Variants in POPDC2 observed in about 807,000 individuals in gnomAD.
The protein encoded by POPDC2 is popeye domain cAMP effector 2.
In POPDC2, 24 loss-of-function variants were observed where a neutral mutation model predicts 30.5. The ratio of observed to expected loss-of-function variants is 0.79; its 90% CI spans 0.57 to 1.11. The LOEUF (loss-of-function observed/expected upper bound fraction) is 1.11. Among genes scored for constraint, POPDC2 ranks in the 50% least tolerant of loss-of-function variants. POPDC2 has a pLI of 0.00. For missense variants in POPDC2, 409 were observed against 447.0 expected (o/e 0.91, Z 0.77); for synonymous variants, 185 against 183.3 (o/e 1.01, Z -0.07).
intron 3 of POPDC2, chr3:119,643,521 C>T (rs932526003): frequency 1.8e-5 from 19 of 1,066,160 alleles, no homozygotes; most frequent in Non-Finnish European, 2.2e-5. Flanking sequence ...TCTTAAAATA[C>T]GCTACACATT....
intron 3 of POPDC2, among the ~76,000 whole-genome samples, chr3:119,645,404 T>C (rs1385414368): frequency 6.6e-6 from 1 of 151,546 alleles, no homozygotes; most frequent in South Asian, 2.1e-4. Flanking sequence ...CTACTAAAAA[T>C]AGAAAAAATT....
chr3:119,660,608 T>C (rs1005464348), upstream of POPDC2: 6 of 597,332 alleles, frequency 1.0e-5, no homozygotes, highest in African/African-American at 9.3e-5. Context: ...GTACACTTCA[T>C]GGAGAATTTA....
chr3:119,642,894 T>A (rs1475482177), intron 3 of POPDC2, among the ~76,000 whole-genome samples: 1 of 152,344 alleles, frequency 6.6e-6, no homozygotes, highest in Admixed American at 6.5e-5. Flanking sequence ...CTGTATTGAA[T>A]AATGGTAAGT....
intron 1 of POPDC2, 145 bp downstream of exon 1, chr3:119,659,788 T>C (rs2107825924): frequency 1.9e-6 from 2 of 1,065,812 alleles, no homozygotes; most frequent in East Asian, 4.8e-5. Context: ...GAAAAATCTA[T>C]TTTGGTTTGT....
At position 119,642,218 on chromosome 3, in the gene POPDC2, A is replaced by G. The variant is rs1264388313; in HGVS notation, c.*387T>C. ...TCACAGAGGCTATGTAACTTGCCCA[A>G]GATTCTGCAGCTGGTAAAGGACGGA... On this transcript the variant is annotated 3_prime_UTR_variant, in exon 4 of 4. Transcript: ENST00000493094. 13 of 307,342 alleles carry G rather than the reference A, an allele frequency of 4.2e-5. No homozygotes were observed. Among genetic ancestry groups the G allele is most frequent in the African/African-American group, 2.7e-4 (13 of 47,812 alleles). 19.0% of individuals were successfully genotyped at this position (307,342 alleles called of 1,614,324 possible). A position where few individuals can be genotyped will look rare whatever the true frequency, so the allele number is the denominator to read the frequency against.
rs755237834 is a variant in POPDC2 at position 119,648,201 on chromosome 3, C to T, written c.1068G>A (p.Ser356=). 121 of 1,568,556 alleles carry T rather than the reference C, an allele frequency of 7.7e-5. 1 individual carries two copies. The highest frequency in any genetic ancestry group is 4.0e-4 in the South Asian group (34 of 85,938). The change falls in exon 3 of 4, where the codon TCG becomes TCA. Residue 356 remains serine (S), a synonymous_variant. Coordinates refer to ENST00000493094, the MANE Select transcript of POPDC2 (RefSeq NM_001369919.2). The stretch of plus-strand genomic sequence containing the variant: ...CCCCATCACTCCTATAATCCATAAA[C>T]GATTCTGATCCTGACACCTCCTCAA... The part of the protein sequence containing the change: ...EDFEEVSGSE[S]FMDYRSDGEY...
At chr3:119,653,855 T>A (rs1310015258) in intron 2 of POPDC2, among the ~76,000 whole-genome samples, 1 of 152,122 alleles carries the variant, frequency 6.6e-6, no homozygotes, top group Non-Finnish European at 1.5e-5. Flanking sequence ...AAAGCCTAGA[T>A]TTGTACTTCA....
intron 3 of POPDC2, among the ~76,000 whole-genome samples, chr3:119,643,919 AAC>A (rs2052716895): frequency 6.6e-6 from 1 of 152,190 alleles, no homozygotes; most frequent in Non-Finnish European, 1.5e-5. Flanking sequence ...TGCCCACAAG[AAC>A]TACACCAAAT....
chr3:119,653,479 C>CTTT (rs762463587), intron 2 of POPDC2, among the ~76,000 whole-genome samples: 1 of 140,014 alleles, frequency 7.1e-6, no homozygotes, highest in Non-Finnish European at 1.6e-5. Context: ...TTCAGCAATT[C>CTTT]TTTTTTTTTT....
intron 2 of POPDC2, among the ~76,000 whole-genome samples, chr3:119,653,910 C>A (rs979495668): frequency 6.6e-6 from 1 of 152,176 alleles, no homozygotes; most frequent in East Asian, 1.9e-4. Context: ...ATTATTAGAA[C>A]AGACAGCAAG....
chr3:119,655,469 A>C (rs138323948), intron 1 of POPDC2, among the ~76,000 whole-genome samples: 3 of 152,372 alleles, frequency 2.0e-5, no homozygotes, highest in African/African-American at 7.2e-5. Flanking sequence ...ACCATGTTGT[A>C]CAACATAGAT....
chr3:119,651,059 T>A (rs1211407030), intron 2 of POPDC2, among the ~76,000 whole-genome samples: 1 of 152,206 alleles, frequency 6.6e-6, no homozygotes. Context: ...ATCTAGACAA[T>A]ATATGCTATG....
At chr3:119,652,242 TTC>T (rs1265856616) in intron 2 of POPDC2, among the ~76,000 whole-genome samples, 1 of 152,198 alleles carries the variant, frequency 6.6e-6, no homozygotes, top group Admixed American at 6.5e-5. Context: ...ACACAATGAA[TTC>T]TGACTTAATT....
chr3:119,647,428 C>T (rs1008543069), intron 3 of POPDC2, among the ~76,000 whole-genome samples: 12 of 152,326 alleles, frequency 7.9e-5, no homozygotes, highest in Middle Eastern at 6.8e-3. Context: ...AAATCCTGCA[C>T]GCACTGTTAG....
At chr3:119,653,699 G>C (rs929024021) in intron 2 of POPDC2, among the ~76,000 whole-genome samples, 2 of 152,138 alleles carry the variant, frequency 1.3e-5, no homozygotes, top group South Asian at 4.2e-4. Flanking sequence ...GGATGGTCTC[G>C]ATCTCCTGAC....
At chr3:119,651,363 G>GTT (rs5852216) in intron 2 of POPDC2, among the ~76,000 whole-genome samples, 50 of 148,868 alleles carry the variant, frequency 3.4e-4, no homozygotes, top group Non-Finnish European at 4.9e-4. Flanking sequence ...ACTACTCTAG[G>GTT]TTTTTTTTTT....
intron 3 of POPDC2, among the ~76,000 whole-genome samples, chr3:119,645,882 T>G (rs1560095832): frequency 6.6e-6 from 1 of 152,218 alleles, no homozygotes; most frequent in Non-Finnish European, 1.5e-5. Context: ...AGGGGGTTCC[T>G]GGGGACAGCT....
chr3:119,649,920 A>G (rs949618848), intron 2 of POPDC2, among the ~76,000 whole-genome samples: 1 of 152,034 alleles, frequency 6.6e-6, no homozygotes, highest in African/African-American at 2.4e-5. Context: ...GACCTAAACT[A>G]CGTTATCGAG....
chr3:119,650,448 G>C (rs1006084608), intron 2 of POPDC2, among the ~76,000 whole-genome samples: 2 of 152,120 alleles, frequency 1.3e-5, no homozygotes, highest in African/African-American at 2.4e-5. Context: ...AGTCCACAAA[G>C]ACTGTTCCTG....
Sources: allele counts gnomAD v4.1 joint callset (sites outside exome capture counted in the v4.1 genomes callset), GRCh38; gene constraint gnomAD v4.1.1; transcripts MANE v1.5; gene names NCBI Gene and HGNC (gene_info 2026-07-23, HGNC 2026-07-21).